The following ZNF81 variants were observed in gnomAD, a reference collection of about 807,000 sequenced individuals.
ZNF81 encodes the protein zinc finger protein 81 (HFZ20).
A neutral mutation model predicts 32.3 loss-of-function variants in ZNF81; 5 were observed. The observed-to-expected ratio is 0.15, with a 90% CI of 0.08 to 0.33. ZNF81 has a LOEUF of 0.33. ZNF81 is among the 10% of genes least tolerant of loss of function. The pLI, the probability that ZNF81 is intolerant of heterozygous loss-of-function variation, is 1.00. For synonymous variants in ZNF81, 163 were observed against 166.8 expected (o/e 0.98, Z 0.17); for missense variants, 379 against 479.8 (o/e 0.79, Z 1.96).
intron 2 of ZNF81, among the ~76,000 whole-genome samples, chrX:47,854,367 C>T (rs1208318936): frequency 3.6e-5 from 4 of 112,484 alleles, no homozygotes; most frequent in Non-Finnish European, 7.5e-5. Flanking sequence ...GTTTCACTTT[C>T]TTATCTTTCA....
chrX:47,860,593 C>T (rs1318360371), intron 2 of ZNF81: 1 of 110,789 alleles, frequency 9.0e-6, no homozygotes, highest in Non-Finnish European at 1.9e-5. Context: ...CATAAAAATC[C>T]CTATAAACCA....
Position 47,917,736 on chromosome X carries a change from T to C in ZNF81, c.*1104T>C, listed in dbSNP as rs1247793616. ...GAGCCATACCAGTTATTCCAGCTGA[T>C]TTACAGAATTGTGAGATAAATAAAA... On this transcript the variant is annotated 3_prime_UTR_variant, in exon 5 of 5. Coordinates refer to ENST00000338637, the MANE Select transcript of ZNF81 (RefSeq NM_007137.5). 11 of 121,483 alleles carry C rather than the reference T, an allele frequency of 9.1e-5. No homozygotes were observed. The Admixed American group carries it at 1.0e-3, about 11-fold the overall frequency. The allele number at this position is 121,483 out of a possible 1,213,427, so 10.0% of individuals were successfully genotyped here. A position where few individuals can be genotyped will look rare whatever the true frequency, so the allele number is the denominator to read the frequency against.
chrX:47,846,067 G>A (rs1236748020), intron 1 of ZNF81, 38 bp from the exon 2 acceptor site: 1 of 507,315 alleles, frequency 2.0e-6, no homozygotes, highest in Admixed American at 2.7e-5. Context: ...TGTAGTAAGT[G>A]CTATCTGCCT....
intron 4 of ZNF81, among the ~76,000 whole-genome samples, chrX:47,900,924 C>A (rs1459228418): frequency 1.8e-5 from 2 of 110,561 alleles, no homozygotes; most frequent in Non-Finnish European, 3.8e-5. Flanking sequence ...GTACCCAGGC[C>A]TTCTTCCCCT....
chrX:47,892,178 C>T (rs1376941425), intron 3 of ZNF81, among the ~76,000 whole-genome samples: 2 of 111,837 alleles, frequency 1.8e-5, no homozygotes, highest in African/African-American at 6.5e-5. Flanking sequence ...TCAGACTATT[C>T]TGATTGTTGC....
intron 2 of ZNF81, among the ~76,000 whole-genome samples, chrX:47,849,117 T>A (rs1398124071): frequency 8.9e-6 from 1 of 112,261 alleles, no homozygotes; most frequent in African/African-American, 3.2e-5. Context: ...GGAACATTCT[T>A]CATGTCTCCA....
intron 4 of ZNF81, among the ~76,000 whole-genome samples, chrX:47,902,278 C>G (rs1248729680): frequency 2.7e-5 from 3 of 111,650 alleles, no homozygotes; most frequent in Non-Finnish European, 5.6e-5. Context: ...TTTCTATGTA[C>G]TTAATAACAT....
chrX:47,895,206 G>A (rs782117674), intron 3 of ZNF81, among the ~76,000 whole-genome samples: 2 of 111,334 alleles, frequency 1.8e-5, no homozygotes, highest in Non-Finnish European at 3.8e-5. Flanking sequence ...TTTGGAAATA[G>A]AGTCTTTGCA....
intron 4 of ZNF81, among the ~76,000 whole-genome samples, chrX:47,899,566 A>G (rs890815545): frequency 9.1e-6 from 1 of 110,232 alleles, no homozygotes; most frequent in Admixed American, 9.7e-5. Context: ...CTTTTTTTTC[A>G]ATGTCTTTGT....
intron 1 of ZNF81, chrX:47,841,499 C>T (rs1603160715): frequency 3.6e-5 from 36 of 986,444 alleles, no homozygotes; most frequent in Non-Finnish European, 4.6e-5. Context: ...TCGTCTGAGA[C>T]GCACCTTGTC....
chrX:47,887,484 C>T (rs959502217), intron 2 of ZNF81, among the ~76,000 whole-genome samples: 3 of 111,625 alleles, frequency 2.7e-5, no homozygotes, highest in African/African-American at 9.8e-5. Context: ...TTCAGGGAGA[C>T]ATGGACCATT....
rs1556890829 is a variant in ZNF81 at position 47,916,246 on chromosome X, G to A, written c.1600G>A (p.Ala534Thr). ...KSYICAECGK[A>T]FTDRSNFNKH... ...TTATATATGTGCTGAATGTGGGAAGGCCTTCACCGACAGGTCAAATTTCAA... is the reference window on the plus strand; with the variant it reads ...TTATATATGTGCTGAATGTGGGAAGACCTTCACCGACAGGTCAAATTTCAA... Residue 534 changes from alanine to threonine, a missense_variant, in exon 5 of 5, where the codon GCC becomes ACC. By Grantham distance (58) the Ala-to-Thr change is moderately conservative (BLOSUM62 0). This residue lies in a region of ZNF81 where 102 missense variants were observed against 173.2 expected (regional missense o/e 0.59). Coordinates refer to ENST00000338637, the MANE Select transcript of ZNF81 (RefSeq NM_007137.5). 3 of 1,211,611 alleles carry A rather than the reference G, an allele frequency of 2.5e-6. No individual in the cohort carries two copies. In the South Asian group the frequency reaches 5.3e-5, roughly 21 times the overall value.
chrX:47,904,375 AAAC>A (rs2058711877), intron 4 of ZNF81, among the ~76,000 whole-genome samples: 1 of 104,603 alleles, frequency 9.6e-6, no homozygotes, highest in Non-Finnish European at 2.0e-5. Context: ...GGAAAAAAAC[AAAC>A]AACCCCATCA....
intron 2 of ZNF81, among the ~76,000 whole-genome samples, chrX:47,858,425 C>T (rs180990140): frequency 7.9e-4 from 88 of 111,898 alleles, no homozygotes; most frequent in African/African-American, 2.6e-3. Context: ...TTCCAGAATT[C>T]GTCTCTGGCT....
At chrX:47,842,973 A>G (rs1338567811) in intron 1 of ZNF81, among the ~76,000 whole-genome samples, 1 of 111,862 alleles carries the variant, frequency 8.9e-6, no homozygotes, top group Admixed American at 9.5e-5. Context: ...TTTACTAGGG[A>G]AGCACTTGTT....
intron 4 of ZNF81, among the ~76,000 whole-genome samples, chrX:47,913,049 T>C (rs511023): frequency 0.097 from 10,729 of 111,044 alleles, 1,272 homozygotes; most frequent in African/African-American, 0.34. Flanking sequence ...AACAATTACA[T>C]CTGGATGTAG....
chrX:47,867,079 A>G (rs1338123825), intron 2 of ZNF81, among the ~76,000 whole-genome samples: 6 of 111,328 alleles, frequency 5.4e-5, no homozygotes, highest in Admixed American at 9.6e-5. Context: ...AGGGAGGGGA[A>G]CAACACATAC....
At chrX:47,840,125 CTCTT>C (rs1205053337) in intron 1 of ZNF81, among the ~76,000 whole-genome samples, 2 of 73,984 alleles carry the variant, frequency 2.7e-5, no homozygotes, top group Non-Finnish European at 5.0e-5. Context: ...TGTCTTCTCT[CTCTT>C]TTTTTTTTTT....
rs782462882 is a variant in ZNF81, at chrX:47,853,479, C to T, written c.54+7158C>T. 1.5e-4 allele frequency among the ~76,000 whole-genome samples: 17 copies of T among 111,165 alleles called. No homozygotes were observed. In the East Asian group the frequency reaches 1.7e-3, roughly 11 times the overall value. Reference sequence around the variant, plus strand: ...ACAGGCGTGAGCCACCGTGCCCGGCCGATTTGGCATAATTCTTAAGGATCT... The same window carrying T: ...ACAGGCGTGAGCCACCGTGCCCGGCTGATTTGGCATAATTCTTAAGGATCT... On this transcript the variant is annotated intron_variant, in intron 2 of 4. Coordinates refer to ENST00000338637, the MANE Select transcript of ZNF81 (RefSeq NM_007137.5).
Sources: allele counts gnomAD v4.1 joint callset (sites outside exome capture counted in the v4.1 genomes callset), GRCh38; gene constraint gnomAD v4.1.1; regional missense constraint gnomAD v4.1.1; transcripts MANE v1.5; gene names NCBI Gene and HGNC (gene_info 2026-07-23, HGNC 2026-07-21).